The following FDX1 variants were observed in gnomAD, a reference collection of about 807,000 sequenced individuals.
FDX1 encodes the protein adrenodoxin, mitochondrial.
In FDX1, 9 loss-of-function variants were observed where a neutral mutation model predicts 14.9. The ratio of observed to expected loss-of-function variants is 0.60; its 90% CI spans 0.36 to 1.05. The LOEUF (loss-of-function observed/expected upper bound fraction) is 1.05, where lower values mean the gene tolerates loss of function less well. Among genes scored for constraint, FDX1 ranks in the 50% least tolerant of loss-of-function variants. The pLI is 0.01. For synonymous variants in FDX1, 92 were observed against 99.4 expected, an observed-to-expected ratio of 0.93 and a Z score of 0.44; for missense variants, 204 against 237.2, an observed-to-expected ratio of 0.86 and a Z score of 0.92.
At chr11:110,448,422 G>A (rs1451029378) in intron 2 of FDX1, among the ~76,000 whole-genome samples, 1 of 152,122 alleles carries the variant, frequency 6.6e-6, no homozygotes, top group Non-Finnish European at 1.5e-5. Context: ...GTTTGGGAAA[G>A]GGGTTAGGTG....
chr11:110,447,757 C>T (rs1366551006), intron 2 of FDX1, among the ~76,000 whole-genome samples: 2 of 152,186 alleles, frequency 1.3e-5, no homozygotes, highest in African/African-American at 4.8e-5. Context: ...ACTTCCTTAG[C>T]GAGGCTTTGC....
intron 1 of FDX1, among the ~76,000 whole-genome samples, chr11:110,435,066 A>G (rs969026570): frequency 1.3e-5 from 2 of 151,162 alleles, no homozygotes; most frequent in African/African-American, 2.4e-5. Flanking sequence ...TTCTTTTTTA[A>G]ATGACAGGGT....
chr11:110,458,558 C>T (rs1267430617), intron 3 of FDX1, among the ~76,000 whole-genome samples: 1 of 151,858 alleles, frequency 6.6e-6, no homozygotes, highest in East Asian at 1.9e-4. Flanking sequence ...AGTTCATATA[C>T]TTACTTTAAA....
chr11:110,436,024 G>T (rs1591246792), intron 2 of FDX1, 66 bp downstream of exon 2: 14 of 1,208,142 alleles, frequency 1.2e-5, no homozygotes, highest in South Asian at 4.4e-5. Flanking sequence ...TTATTTTGTG[G>T]TTTTTTTTTT....
intron 2 of FDX1, 81 bp downstream of exon 2, chr11:110,436,039 G>C: frequency 8.1e-7 from 1 of 1,229,678 alleles, no homozygotes; most frequent in South Asian, 1.3e-5. Flanking sequence ...TTTTTTTGAA[G>C]AAGTTTAACC....
At chr11:110,456,512 T>C (rs1188789788) in intron 2 of FDX1, among the ~76,000 whole-genome samples, 2 of 139,388 alleles carry the variant, frequency 1.4e-5, no homozygotes, top group East Asian at 4.1e-4. Context: ...ATGTATTCTT[T>C]TTTTTTTTTT....
intron 2 of FDX1, among the ~76,000 whole-genome samples, chr11:110,441,778 G>A (rs1946405735): frequency 6.6e-6 from 1 of 152,252 alleles, no homozygotes; most frequent in Non-Finnish European, 1.5e-5. Flanking sequence ...AGAAATTTGG[G>A]TAAGGAATGA....
intron 2 of FDX1, among the ~76,000 whole-genome samples, chr11:110,438,615 A>G (rs942833551): frequency 6.6e-6 from 1 of 151,860 alleles, no homozygotes; most frequent in Non-Finnish European, 1.5e-5. Flanking sequence ...TAGTAGTTTT[A>G]TATTTTTATA....
At chr11:110,430,394 G>C in intron 1 of FDX1, 89 bp downstream of exon 1, 37 of 927,912 alleles carry the variant, frequency 4.0e-5, no homozygotes, top group Non-Finnish European at 5.1e-5. Flanking sequence ...TCTGGTTCCA[G>C]TGCCTTCTGC....
intron 2 of FDX1, among the ~76,000 whole-genome samples, chr11:110,453,843 T>C (rs1460184170): frequency 1.3e-5 from 2 of 152,262 alleles, no homozygotes; most frequent in Non-Finnish European, 2.9e-5. Flanking sequence ...GTGATAGTTG[T>C]TCTAACACAG....
At chr11:110,437,018 C>T (rs1026779307) in intron 2 of FDX1, among the ~76,000 whole-genome samples, 1 of 152,142 alleles carries the variant, frequency 6.6e-6, no homozygotes, top group African/African-American at 2.4e-5. Flanking sequence ...TTTTTTGAGA[C>T]AGGATCTTGC....
upstream of FDX1, chr11:110,429,813 C>A: frequency 4.0e-6 from 1 of 248,706 alleles, no homozygotes; most frequent in Non-Finnish European, 7.7e-6. Context: ...AAGCATCCAG[C>A]TTACAACGGA....
At chr11:110,436,434 A>G (rs895540608) in intron 2 of FDX1, among the ~76,000 whole-genome samples, 3 of 152,124 alleles carry the variant, frequency 2.0e-5, no homozygotes, top group African/African-American at 4.8e-5. Flanking sequence ...CTGCCCTTTT[A>G]CACTTCCTCA....
chr11:110,459,850 G>A (rs561556227), intron 3 of FDX1, among the ~76,000 whole-genome samples: 1 of 152,330 alleles, frequency 6.6e-6, no homozygotes, highest in Admixed American at 6.5e-5. Flanking sequence ...ACTAGCCACA[G>A]AGCGCCACTG....
At chr11:110,433,738 CA>C (rs1946347172) in intron 1 of FDX1, among the ~76,000 whole-genome samples, 1 of 40,694 alleles carries the variant, frequency 2.5e-5, no homozygotes, top group African/African-American at 1.6e-4. Context: ...CATTCTGGTA[CA>C]CACACACACA....
chr11:110,460,077 C>A (rs1057370095), intron 3 of FDX1, among the ~76,000 whole-genome samples: 1 of 152,212 alleles, frequency 6.6e-6, no homozygotes, highest in Non-Finnish European at 1.5e-5. Context: ...AACAGACTCT[C>A]TAGAGCTCAC....
chr11:110,444,720 A>ACG (rs1467237096), intron 2 of FDX1, among the ~76,000 whole-genome samples: 1 of 63,384 alleles, frequency 1.6e-5, no homozygotes, highest in African/African-American at 7.4e-5. Context: ...ATATATATAT[A>ACG]TACGTATATA....
chr11:110,443,913 GGTT>G (rs1012787203), intron 2 of FDX1, among the ~76,000 whole-genome samples: 18 of 151,596 alleles, frequency 1.2e-4, no homozygotes, highest in African/African-American at 4.1e-4. Flanking sequence ...TTTTTAATGA[GGTT>G]GTTTTTTGCT....
At chr11:110,433,007 C>T (rs1360984857) in intron 1 of FDX1, among the ~76,000 whole-genome samples, 1 of 152,166 alleles carries the variant, frequency 6.6e-6, no homozygotes, top group Non-Finnish European at 1.5e-5. Context: ...CTATGTGTTA[C>T]GTATTTTGCA....
Sources: allele counts gnomAD v4.1 joint callset (sites outside exome capture counted in the v4.1 genomes callset), GRCh38; gene constraint gnomAD v4.1.1; transcripts MANE v1.5; gene names NCBI Gene and HGNC (gene_info 2026-07-23, HGNC 2026-07-21).